The following FGF13 variants were observed in gnomAD, a reference collection of about 807,000 sequenced individuals.
FGF13 encodes the protein fibroblast growth factor homologous factor 2.
A neutral mutation model predicts 19.5 loss-of-function variants in FGF13; 2 were observed. The ratio of observed to expected loss-of-function variants is 0.10; its 90% CI spans 0.04 to 0.32. The LOEUF (loss-of-function observed/expected upper bound fraction) is 0.32. Among genes scored for constraint, FGF13 ranks in the 10% least tolerant of loss-of-function variants. The pLI is 1.00. For missense variants in FGF13, 113 were observed against 192.7 expected, an observed-to-expected ratio of 0.59 and a Z score of 2.45; for synonymous variants, 72 against 76.9, an observed-to-expected ratio of 0.94 and a Z score of 0.33.
rs780042278 is a variant in FGF13 at position 138,710,779 on chromosome X, T to C, written c.187+38A>G. On this transcript the variant is annotated intron_variant, in intron 1 of 4. Coordinates refer to ENST00000315930, the MANE Select transcript of FGF13 (RefSeq NM_004114.5). ...CTCCCCACCGCCCCCACCTCACTCG[T>C]AAAGTATGGGGAAAAGAAAGCAAAA... The C allele has an allele frequency of 8.3e-6, 10 of 1,204,449 alleles. No homozygotes were observed. In the South Asian group the frequency reaches 1.6e-4, roughly 19 times the overall value.
chrX:139,175,040 T>C lies in FGF13; in HGVS notation c.-113+28376A>G, dbSNP rs150219081. Reference sequence around the variant, plus strand: ...TTCCTATCCAGGAGCATGGAATGTTTTTCCATTTGTTTGTGTCCTCTCTTA... The same window carrying C: ...TTCCTATCCAGGAGCATGGAATGTTCTTCCATTTGTTTGTGTCCTCTCTTA... On this transcript the variant is annotated intron_variant, in intron 1 of 2. Coordinates refer to the FGF13 transcript ENST00000421460. Among the ~76,000 whole-genome samples, 72 of 111,894 alleles carry C rather than the reference T, an allele frequency of 6.4e-4. 1 individual carries two copies. The East Asian group carries it at 0.018, about 28-fold the overall frequency.
intron 1 of FGF13, 66 bp downstream of exon 1, chrX:138,710,751 C>T: frequency 2.5e-6 from 3 of 1,186,225 alleles, no homozygotes; most frequent in East Asian, 3.0e-5. Flanking sequence ...TGCTACATAC[C>T]TGCTCCCCAC....
chrX:139,130,584 T>C (rs1385064222), intron 1 of FGF13, among the ~76,000 whole-genome samples: 1 of 112,085 alleles, frequency 8.9e-6, no homozygotes, highest in African/African-American at 3.2e-5. Flanking sequence ...TGGCATACGG[T>C]AGGTGCTAGA....
intron 1 of FGF13, among the ~76,000 whole-genome samples, chrX:139,132,167 T>C (rs1331909765): frequency 8.9e-6 from 1 of 112,176 alleles, no homozygotes. Flanking sequence ...TTACGTTTAC[T>C]ACTTCCTCTG....
rs975377514 is a variant in FGF13 at position 138,618,731 on chromosome X, T to C, written c.*14119A>G. 9.0e-6 allele frequency: 1 copy of C among 111,660 alleles called. No individual in the cohort carries two copies. Among genetic ancestry groups the C allele is most frequent in the African/African-American group, 3.3e-5 (1 of 30,692 alleles). 9.2% of individuals were successfully genotyped at this position (111,660 alleles called of 1,213,427 possible). A position where few individuals can be genotyped will look rare whatever the true frequency, so the allele number is the denominator to read the frequency against. ...AGCAGGCAGCTTGACTCTGTGGGAA[T>C]GGGAGAAGGCACAAAAACTTGAGCA... On this transcript the variant is annotated 3_prime_UTR_variant, in exon 5 of 5. Transcript: ENST00000315930.
intron 1 of FGF13, among the ~76,000 whole-genome samples, chrX:139,151,062 A>G (rs1287153507): frequency 9.1e-6 from 1 of 110,384 alleles, no homozygotes; most frequent in African/African-American, 3.3e-5. Flanking sequence ...GGGTCAATAC[A>G]GTCTCCAAAG....
intron 3 of FGF13, among the ~76,000 whole-genome samples, chrX:138,680,602 C>G (rs1193974180): frequency 9.0e-6 from 1 of 111,472 alleles, no homozygotes; most frequent in Non-Finnish European, 1.9e-5. Context: ...CAGTAAGTCT[C>G]AAAAGTAGGC....
chrX:139,102,174 C>T (rs2083519901), intron 1 of FGF13, among the ~76,000 whole-genome samples: 2 of 112,279 alleles, frequency 1.8e-5, no homozygotes, highest in Non-Finnish European at 1.9e-5. Context: ...GAGGCCCCAA[C>T]ATACACAAAT....
chrX:138,990,177 G>C (rs2092009682), intron 1 of FGF13, among the ~76,000 whole-genome samples: 1 of 110,818 alleles, frequency 9.0e-6, no homozygotes, highest in Non-Finnish European at 1.9e-5. Flanking sequence ...ATTATGTGCA[G>C]GGCACTTAAT....
At chrX:138,808,920 C>T (rs2090896450) in intron 3 of FGF13, among the ~76,000 whole-genome samples, 2 of 111,630 alleles carry the variant, frequency 1.8e-5, no homozygotes, top group Non-Finnish European at 3.8e-5. Context: ...CTGAATAGAA[C>T]AATAACAGTC....
chrX:138,813,151 T>C lies in FGF13; in HGVS notation c.217+44361A>G, dbSNP rs377656800. Among the ~76,000 whole-genome samples the C allele has an allele frequency of 2.2e-3, 243 of 112,291 alleles. 2 individuals carry two copies. Among genetic ancestry groups the C allele is most frequent in the African/African-American group, 7.7e-3 (238 of 30,928 alleles). On this transcript the variant is annotated intron_variant, in intron 3 of 6. Coordinates refer to the FGF13 transcript ENST00000436198. ...AAACATACATGTTCATGTGTCTTTA[T>C]AGTAGAATGATTTATATTCCTTTGA...
chrX:138,765,341 G>T (rs2090495150), intron 3 of FGF13, among the ~76,000 whole-genome samples: 1 of 111,610 alleles, frequency 9.0e-6, no homozygotes, highest in African/African-American at 3.3e-5. Context: ...TCTCTTTACA[G>T]AATCTAATGA....
At chrX:138,828,616 G>A (rs1461188724) in intron 3 of FGF13, among the ~76,000 whole-genome samples, 1 of 109,480 alleles carries the variant, frequency 9.1e-6, no homozygotes, top group South Asian at 3.9e-4. Flanking sequence ...CAGCACTCAA[G>A]AGACAGATCT....
intron 3 of FGF13, among the ~76,000 whole-genome samples, chrX:138,666,020 T>C (rs1230883128): frequency 9.0e-6 from 1 of 111,548 alleles, no homozygotes; most frequent in Admixed American, 9.6e-5. Context: ...AATTTTAACA[T>C]GTATGCTATC....
At chrX:138,800,233 A>T (rs2090817049) in intron 3 of FGF13, among the ~76,000 whole-genome samples, 1 of 111,720 alleles carries the variant, frequency 9.0e-6, no homozygotes, top group Non-Finnish European at 1.9e-5. Context: ...TTCCATATTT[A>T]GTGCTTCCTT....
chrX:139,001,970 A>T (rs2092075384), intron 1 of FGF13, among the ~76,000 whole-genome samples: 2 of 112,224 alleles, frequency 1.8e-5, no homozygotes, highest in African/African-American at 3.2e-5. Context: ...CTGGATAAAG[A>T]AAATGTGGCA....
intron 1 of FGF13, among the ~76,000 whole-genome samples, chrX:139,099,346 G>A (rs1463099781): frequency 1.0e-5 from 1 of 95,293 alleles, no homozygotes; most frequent in African/African-American, 4.0e-5. Flanking sequence ...GCTTGTGGCT[G>A]CAGAGAATAG....
At chrX:138,702,454 A>G (rs2089956581) in intron 3 of FGF13, among the ~76,000 whole-genome samples, 1 of 111,912 alleles carries the variant, frequency 8.9e-6, no homozygotes, top group Non-Finnish European at 1.9e-5. Context: ...GAAAAAGACA[A>G]GCAGGAATTT....
intron 1 of FGF13, among the ~76,000 whole-genome samples, chrX:139,171,772 GTT>G (rs1284073765): frequency 8.0e-5 from 9 of 111,915 alleles, no homozygotes; most frequent in African/African-American, 2.6e-4. Context: ...TGTGCTAATT[GTT>G]TTCTTTTCAA....
Sources: gnomAD v4.1 joint callset for allele counts (sites outside exome capture counted in the v4.1 genomes callset) on GRCh38, gnomAD v4.1.1 for gene constraint, MANE v1.5 for transcripts, NCBI Gene and HGNC (gene_info 2026-07-23, HGNC 2026-07-21) for gene names.